Variants in MRTFA observed in about 807,000 individuals in gnomAD.
MRTFA encodes myocardin related transcription factor A.
Under a neutral mutation model 83.5 loss-of-function variants are expected in MRTFA, and 20 were observed. The ratio of observed to expected loss-of-function variants is 0.24; its 90% CI spans 0.17 to 0.35. The LOEUF is 0.35. Among genes scored for constraint, MRTFA ranks in the 10% least tolerant of loss-of-function variants. The pLI is 1.00. For missense variants in MRTFA, 1,200 were observed against 1,224.7 expected (o/e 0.98, Z 0.30); for synonymous variants, 659 against 541.2 (o/e 1.22, Z -3.02).
chr22:40,550,036 G>T (rs1018217308), intron 3 of MRTFA, among the ~76,000 whole-genome samples: 1 of 129,052 alleles, frequency 7.7e-6, no homozygotes, highest in Non-Finnish European at 1.6e-5. Context: ...GCAACAGAGT[G>T]AGACTCTGTT....
At chr22:40,495,970 G>A (rs913578037) in intron 3 of MRTFA, among the ~76,000 whole-genome samples, 19 of 151,832 alleles carry the variant, frequency 1.3e-4, no homozygotes, top group African/African-American at 4.4e-4. Context: ...GGAGGCTGAG[G>A]CTGGAGAAGC....
chr22:40,466,705 A>G lies in MRTFA; in HGVS notation c.242-3419T>C, dbSNP rs1242245152. Among the ~76,000 whole-genome samples the G allele has an allele frequency of 2.6e-5, 4 of 152,228 alleles. No homozygotes were observed. The South Asian group carries it at 6.2e-4, about 24-fold the overall frequency. ...CTGAACACTTCAAAGAAACAATAACATAAGCAATGGCTATTAATCCAAGAA... is the reference window on the plus strand; with the variant it reads ...CTGAACACTTCAAAGAAACAATAACGTAAGCAATGGCTATTAATCCAAGAA... On this transcript the variant is annotated intron_variant, in intron 3 of 14. Transcript: ENST00000355630.
At chr22:40,485,760 G>A (rs2054164722) in intron 3 of MRTFA, among the ~76,000 whole-genome samples, 1 of 152,196 alleles carries the variant, frequency 6.6e-6, no homozygotes, top group Non-Finnish European at 1.5e-5. Context: ...TATGGGTCTG[G>A]AAGAATCACT....
At chr22:40,501,799 T>G (rs368480417) in intron 3 of MRTFA, among the ~76,000 whole-genome samples, 6 of 35,468 alleles carry the variant, frequency 1.7e-4, no homozygotes, top group South Asian at 1.8e-3. Flanking sequence ...GCTGGCCGGG[T>G]GGAGGGCTGA....
intron 2 of MRTFA, among the ~76,000 whole-genome samples, chr22:40,567,424 G>A (rs533926268): frequency 2.6e-5 from 4 of 152,130 alleles, no homozygotes; most frequent in African/African-American, 7.2e-5. Context: ...CACACGCTAC[G>A]TATAAGAGAC....
At chr22:40,494,075 G>A (rs1331822847) in intron 3 of MRTFA, among the ~76,000 whole-genome samples, 1 of 152,174 alleles carries the variant, frequency 6.6e-6, no homozygotes, top group Non-Finnish European at 1.5e-5. Flanking sequence ...AGATTTCTGT[G>A]TGTCTCTATG....
At position 40,459,862 on chromosome 22, in the gene MRTFA, T is replaced by TATATAC. The variant is rs796103400; in HGVS notation, c.307+3358_307+3359insGTATAT. Among the ~76,000 whole-genome samples the TATATAC allele has an allele frequency of 1.7e-3, 201 of 121,472 alleles. 3 individuals are homozygous for TATATAC. Among genetic ancestry groups the TATATAC allele is most frequent in the South Asian group, 0.011 (41 of 3,706 alleles). 79.7% of individuals were successfully genotyped at this position (121,472 alleles called of 152,430 possible). The stretch of plus-strand genomic sequence containing the variant: ...ATATATATATATATATATATATATA[T>TATATAC]ACACACATGAATGATACTTTCTCAA... On this transcript the variant is annotated intron_variant, in intron 4 of 14. Coordinates refer to ENST00000355630, the MANE Select transcript of MRTFA (RefSeq NM_020831.6).
intron 1 of MRTFA, among the ~76,000 whole-genome samples, chr22:40,603,367 T>C (rs938896746): frequency 6.6e-6 from 1 of 152,230 alleles, no homozygotes; most frequent in Non-Finnish European, 1.5e-5. Context: ...AAGTATCAGA[T>C]CTCCAAATGG....
chr22:40,488,486 C>T (rs549344014), intron 3 of MRTFA, among the ~76,000 whole-genome samples: 2 of 152,214 alleles, frequency 1.3e-5, no homozygotes, highest in South Asian at 4.2e-4. Context: ...AGTTTGAGTC[C>T]AGCCTGGGCG....
In MRTFA at chr22:40,421,050, G is replaced by C; in HGVS notation, c.978C>G (p.Ala326=). ...TCTTCACCTTTGGCTTCAGCTCCTT[G>C]GCCTTCTTGCTGCGCTGTGACTTCT... Residue 326 remains alanine, a synonymous_variant, in exon 10 of 15, where the codon GCC becomes GCG. Transcript: ENST00000355630. 6.4e-7 allele frequency: 1 copy of C among 1,564,826 alleles called. No individual in the cohort carries two copies. Among genetic ancestry groups the C allele is most frequent in the Middle Eastern group, 1.7e-4 (1 of 5,830 alleles).
intron 3 of MRTFA, among the ~76,000 whole-genome samples, chr22:40,547,165 TATAAA>T (rs1030942039): frequency 6.6e-6 from 1 of 151,376 alleles, no homozygotes; most frequent in Non-Finnish European, 1.5e-5. Context: ...AAAAAATATA[TATAAA>T]ATAAAATAAA....
chr22:40,571,920 T>TC (rs2055800376), intron 2 of MRTFA, among the ~76,000 whole-genome samples: 1 of 37,232 alleles, frequency 2.7e-5, no homozygotes, highest in African/African-American at 1.3e-4. Flanking sequence ...CAAGACTCTG[T>TC]CAAAAAAAAA....
chr22:40,563,022 T>C (rs1284937175), intron 2 of MRTFA, among the ~76,000 whole-genome samples: 1 of 152,126 alleles, frequency 6.6e-6, no homozygotes, highest in Non-Finnish European at 1.5e-5. Context: ...CTACAGGGAA[T>C]CAGTCATCCA....
chr22:40,470,257 A>ATATATATATATT, intron 3 of MRTFA, among the ~76,000 whole-genome samples: 1 of 111,726 alleles, frequency 9.0e-6, no homozygotes, highest in African/African-American at 4.1e-5. Flanking sequence ...ATATATATAT[A>ATATATATATATT]TATATATATA....
chr22:40,622,637 C>G (rs1308081557), intron 1 of MRTFA, among the ~76,000 whole-genome samples: 1 of 152,142 alleles, frequency 6.6e-6, no homozygotes, highest in Non-Finnish European at 1.5e-5. Flanking sequence ...GACGCTGCCA[C>G]AAGCCAAGGA....
chr22:40,467,459 C>G (rs1056561846), intron 3 of MRTFA, among the ~76,000 whole-genome samples: 5 of 151,968 alleles, frequency 3.3e-5, no homozygotes, highest in Non-Finnish European at 7.4e-5. Context: ...CCTCTTAATT[C>G]TAAGCATTCT....
chr22:40,523,931 A>G (rs545602662), intron 3 of MRTFA, among the ~76,000 whole-genome samples: 1 of 152,362 alleles, frequency 6.6e-6, no homozygotes, highest in Admixed American at 6.5e-5. Context: ...AGTTCAAAAA[A>G]TCAAGTTTAA....
At chr22:40,417,129 T>C in intron 13 of MRTFA, 83 bp from the exon 14 acceptor site, 1 of 1,468,366 alleles carries the variant, frequency 6.8e-7, no homozygotes, top group Non-Finnish European at 9.2e-7. Flanking sequence ...GGCCCCTCCC[T>C]CTGCCCCAGA....
At chr22:40,450,093 T>C (rs1054575479) in intron 4 of MRTFA, among the ~76,000 whole-genome samples, 2 of 152,176 alleles carry the variant, frequency 1.3e-5, no homozygotes, top group Non-Finnish European at 2.9e-5. Flanking sequence ...TTAGATAGGA[T>C]TTTTCTTAGG....
Sources: gnomAD v4.1 joint callset for allele counts (sites outside exome capture counted in the v4.1 genomes callset) on GRCh38, gnomAD v4.1.1 for gene constraint, MANE v1.5 for transcripts, NCBI Gene and HGNC (gene_info 2026-07-23, HGNC 2026-07-21) for gene names.